Variants in SLC4A7 observed in about 807,000 individuals in gnomAD.
The protein encoded by SLC4A7 is sodium bicarbonate cotransporter 3.
In SLC4A7, 51 loss-of-function variants were observed where a neutral mutation model predicts 137.6. The observed-to-expected ratio is 0.37, with a 90% confidence interval of 0.30 to 0.47. SLC4A7 has a LOEUF of 0.47. SLC4A7 is among the 20% of genes least tolerant of loss of function. SLC4A7 has a pLI of 1.00. For missense variants in SLC4A7, 1,247 were observed against 1,525.4 expected, an observed-to-expected ratio of 0.82 and a Z score of 3.04; for synonymous variants, 542 against 518.6, an observed-to-expected ratio of 1.05 and a Z score of -0.61.
intron 3 of SLC4A7, among the ~76,000 whole-genome samples, chr3:27,441,052 A>C (rs1006202936): frequency 6.6e-6 from 1 of 151,840 alleles, no homozygotes; most frequent in Non-Finnish European, 1.5e-5. Flanking sequence ...TCTCAAAAAA[A>C]TATATAACAA....
At chr3:27,472,010 A>C (rs1207996355) in intron 1 of SLC4A7, among the ~76,000 whole-genome samples, 1 of 152,218 alleles carries the variant, frequency 6.6e-6, no homozygotes, top group Non-Finnish European at 1.5e-5. Flanking sequence ...TTTATTCTAG[A>C]TTAGCAGAGA....
At chr3:27,473,776 T>C (rs2059354078) in intron 1 of SLC4A7, among the ~76,000 whole-genome samples, 1 of 151,230 alleles carries the variant, frequency 6.6e-6, no homozygotes, top group Admixed American at 6.6e-5. Context: ...TACATAGTTA[T>C]TCTCGAAATT....
At chr3:27,426,711 C>G (rs1382064473) in intron 7 of SLC4A7, among the ~76,000 whole-genome samples, 2 of 152,178 alleles carry the variant, frequency 1.3e-5, no homozygotes, top group Non-Finnish European at 2.9e-5. Context: ...CTAACCTGGT[C>G]ATCTTGAAAA....
chr3:27,445,205 A>T (rs2057495900), intron 3 of SLC4A7, among the ~76,000 whole-genome samples: 1 of 152,218 alleles, frequency 6.6e-6, no homozygotes, highest in African/African-American at 2.4e-5. Flanking sequence ...CCTCTCACAC[A>T]TGGCCAGACC....
chr3:27,470,674 G>A (rs1576653772), intron 1 of SLC4A7, among the ~76,000 whole-genome samples: 1 of 150,998 alleles, frequency 6.6e-6, no homozygotes, highest in East Asian at 1.9e-4. Context: ...CAGGCACGGT[G>A]GCTCACGCCT....
intron 1 of SLC4A7, among the ~76,000 whole-genome samples, chr3:27,482,470 T>C (rs1200486261): frequency 6.6e-6 from 1 of 152,156 alleles, no homozygotes; most frequent in Non-Finnish European, 1.5e-5. Flanking sequence ...ATTCAAAGGC[T>C]ACACAAAGAA....
intron 1 of SLC4A7, among the ~76,000 whole-genome samples, chr3:27,478,112 G>A (rs2059542001): frequency 6.6e-6 from 1 of 151,972 alleles, no homozygotes; most frequent in South Asian, 2.1e-4. Context: ...CAGAGAGAGG[G>A]AGAACACAAC....
chr3:27,380,170 G>A (rs967469689), intron 24 of SLC4A7, among the ~76,000 whole-genome samples: 3 of 152,046 alleles, frequency 2.0e-5, no homozygotes, highest in South Asian at 2.1e-4. Context: ...AGCCGGGTAC[G>A]GTGGCACTCG....
chr3:27,398,520 C>A (rs1331654818), intron 16 of SLC4A7, among the ~76,000 whole-genome samples, 167 bp from the exon 17 acceptor site: 2 of 152,146 alleles, frequency 1.3e-5, no homozygotes, highest in African/African-American at 2.4e-5. Flanking sequence ...ACACTAACAA[C>A]TAATTGTAAT....
intron 11 of SLC4A7, among the ~76,000 whole-genome samples, chr3:27,413,074 TAAC>T (rs2054063276): frequency 1.3e-5 from 2 of 152,114 alleles, no homozygotes; most frequent in African/African-American, 2.4e-5. Flanking sequence ...CTTCAGCTAA[TAAC>T]AAAACAAAAA....
chr3:27,397,905 C>G (rs2052360868), intron 17 of SLC4A7, 108 bp from the exon 18 acceptor site: 1 of 661,992 alleles, frequency 1.5e-6, no homozygotes, highest in Admixed American at 3.3e-5. Context: ...ACAAATGGAG[C>G]TTTTAACTAG....
At chr3:27,445,931 CAAAAAAAAAAAAAAAA>C (rs1164631983) in intron 3 of SLC4A7, among the ~76,000 whole-genome samples, 22 of 58,510 alleles carry the variant, frequency 3.8e-4, no homozygotes, top group African/African-American at 7.3e-4. Context: ...GGCTCAGTCT[CAAAAAAAAAAAAAAAA>C]AAAAAAAAAA....
At chr3:27,480,070 G>A (rs2059646605) in intron 1 of SLC4A7, among the ~76,000 whole-genome samples, 1 of 152,134 alleles carries the variant, frequency 6.6e-6, no homozygotes, top group East Asian at 1.9e-4. Context: ...AATACACCAG[G>A]TTCCTCCAAT....
At chr3:27,470,019 A>G (rs2059169726) in intron 1 of SLC4A7, among the ~76,000 whole-genome samples, 1 of 152,214 alleles carries the variant, frequency 6.6e-6, no homozygotes, top group Non-Finnish European at 1.5e-5. Flanking sequence ...CATATAAAAC[A>G]TAAGAATTAC....
intron 22 of SLC4A7, 68 bp from the exon 23 acceptor site, chr3:27,386,091 G>C: frequency 8.2e-7 from 1 of 1,226,632 alleles, no homozygotes; most frequent in Non-Finnish European, 1.1e-6. Flanking sequence ...AAGAGGAAAA[G>C]CATATTTATT....
intron 11 of SLC4A7, among the ~76,000 whole-genome samples, chr3:27,415,716 C>T (rs2054315205): frequency 6.6e-6 from 1 of 152,166 alleles, no homozygotes; most frequent in African/African-American, 2.4e-5. Context: ...TCCGATCCTT[C>T]GCTTTTCTTT....
chr3:27,471,661 C>G (rs894764460), intron 1 of SLC4A7, among the ~76,000 whole-genome samples: 1 of 152,150 alleles, frequency 6.6e-6, no homozygotes, highest in African/African-American at 2.4e-5. Flanking sequence ...CGTGAGCCAC[C>G]GCGCCCAGCT....
chr3:27,481,589 T>G (rs1301475718), intron 1 of SLC4A7, among the ~76,000 whole-genome samples: 3 of 152,214 alleles, frequency 2.0e-5, no homozygotes, highest in African/African-American at 7.2e-5. Context: ...TCAACGCCAA[T>G]AGTTCCTCTT....
intron 23 of SLC4A7, among the ~76,000 whole-genome samples, chr3:27,384,489 T>C (rs2050740322): frequency 6.6e-6 from 1 of 152,202 alleles, no homozygotes; most frequent in African/African-American, 2.4e-5. Flanking sequence ...ACTGCATCAC[T>C]TGCTTTCAAG....
Sources: gnomAD v4.1 joint callset for allele counts (sites outside exome capture counted in the v4.1 genomes callset) on GRCh38, gnomAD v4.1.1 for gene constraint, MANE v1.5 for transcripts, NCBI Gene and HGNC (gene_info 2026-07-23, HGNC 2026-07-21) for gene names.